The following CTNNAL1 variants were observed in gnomAD, a reference collection of about 807,000 sequenced individuals.
CTNNAL1 encodes the protein catenin alpha like 1.
In CTNNAL1, 69 loss-of-function variants were observed where a neutral mutation model predicts 93.6. The ratio of observed to expected loss-of-function variants is 0.74; its 90% CI spans 0.61 to 0.90. The LOEUF is 0.90. Ranked by LOEUF, CTNNAL1 falls within the 40% of genes least tolerant of loss-of-function variation. CTNNAL1 has a pLI of 0.00. For synonymous variants in CTNNAL1, 286 were observed against 305.4 expected (o/e 0.94, Z 0.66); for missense variants, 836 against 862.0 (o/e 0.97, Z 0.38).
intron 7 of CTNNAL1, chr9:108,977,358 T>A (rs965478383): frequency 6.1e-6 from 1 of 162,998 alleles, no homozygotes; most frequent in African/African-American, 2.4e-5. Context: ...AGTCTAAAAT[T>A]AATCTCTTTT....
chr9:108,972,726 A>C lies in CTNNAL1; in HGVS notation c.1296T>G (p.Ala432=), dbSNP rs1587962616. 6.2e-7 allele frequency: 1 copy of C among 1,614,010 alleles called. No individual in the cohort carries two copies. The highest frequency in any genetic ancestry group is 8.5e-7 in the Non-Finnish European group (1 of 1,180,014). ...KLTGVEGNLE[A]LAEYACKLSE... is the part of the protein sequence containing the mutation. ...AGAGTTTACAGGCATATTCAGCCAAAGCTTCTAAATTTCCTTCTACTCCAG... is the reference window on the plus strand; with the variant it reads ...AGAGTTTACAGGCATATTCAGCCAACGCTTCTAAATTTCCTTCTACTCCAG... The change falls in exon 9 of 19, where the codon GCT becomes GCG. Residue 432 remains alanine (A), a synonymous_variant. Coordinates refer to ENST00000325551, the MANE Select transcript of CTNNAL1 (RefSeq NM_003798.4).
At chr9:108,984,294 G>T in intron 5 of CTNNAL1, 53 bp downstream of exon 5, 2 of 874,660 alleles carry the variant, frequency 2.3e-6, no homozygotes, top group Non-Finnish European at 3.8e-6. Context: ...AATGCATTTA[G>T]TCGGGTGTTC....
At chr9:108,957,116 AT>A (rs760444621) in intron 11 of CTNNAL1, among the ~76,000 whole-genome samples, 18,262 of 132,402 alleles carry the variant, frequency 0.14, 970 homozygotes, top group South Asian at 0.28. Flanking sequence ...GCCTGTTAGA[AT>A]TTTTTTTTTT....
intron 15 of CTNNAL1, 34 bp downstream of exon 15, chr9:108,948,152 T>G: frequency 6.2e-7 from 1 of 1,605,586 alleles, no homozygotes; most frequent in Non-Finnish European, 8.5e-7. Context: ...AGCCCGAAAT[T>G]AAAGTACTAG....
intron 6 of CTNNAL1, among the ~76,000 whole-genome samples, chr9:108,981,132 T>C (rs1831415501): frequency 6.6e-6 from 1 of 152,256 alleles, no homozygotes; most frequent in Non-Finnish European, 1.5e-5. Context: ...GCACTGCCCC[T>C]CCTTCACCTG....
chr9:108,968,887 T>C (rs72758384), intron 10 of CTNNAL1, among the ~76,000 whole-genome samples: 19,282 of 151,760 alleles, frequency 0.13, 1,621 homozygotes, highest in Middle Eastern at 0.19. Context: ...TAAATGAATA[T>C]AAATAAAGTA....
At position 108,984,413 on chromosome 9, in the gene CTNNAL1, CT is replaced by C; in HGVS notation, c.662del (p.Lys221ArgfsTer16). 1 of 1,608,858 alleles carries C rather than the reference CT, an allele frequency of 6.2e-7. No homozygotes were observed. Among genetic ancestry groups the C allele is most frequent in the Non-Finnish European group, 8.5e-7 (1 of 1,175,434 alleles). On this transcript the variant is annotated frameshift_variant, in exon 5 of 19. Coordinates refer to ENST00000325551, the MANE Select transcript of CTNNAL1 (RefSeq NM_003798.4). LOFTEE classifies it high-confidence loss of function. ...CTGCCCTAGCTGCTGCCATTTTTGCCTTTTTCTTTTCATCTTTCAAATCCTA... is the reference window on the plus strand; with the variant it reads ...CTGCCCTAGCTGCTGCCATTTTTGCCTTTTCTTTTCATCTTTCAAATCCTA... ...RQNDLKDEKK[K>X]AKMAAARAVL... is the part of the protein sequence containing the mutation.
chr9:108,956,928 G>A (rs1488315743), intron 11 of CTNNAL1, among the ~76,000 whole-genome samples: 1 of 151,428 alleles, frequency 6.6e-6, no homozygotes, highest in Non-Finnish European at 1.5e-5. Flanking sequence ...ACTTACAAGT[G>A]TTTAATACAT....
rs768798455 is a variant in CTNNAL1 at position 108,952,310 on chromosome 9, G to C, written c.1734C>G (p.Asp578Glu). 2.5e-6 allele frequency: 4 copies of C among 1,614,156 alleles called. No individual in the cohort carries two copies. Among genetic ancestry groups the C allele is most frequent in the East Asian group, 4.5e-5 (2 of 44,870 alleles). ...CCCACTTCTCAATTTCGCAGTCAGC[G>C]TCAGAGGTGAGCAAACCCAGCTTAA... Reference protein sequence around the residue: ...LGLKLGLLTSDADCEIEKWED... With the variant: ...LGLKLGLLTSEADCEIEKWED... Residue 578 changes from aspartate to glutamate, a missense_variant, in exon 14 of 19, where the codon GAC (aspartate) becomes GAG (glutamate). Physicochemically the swap from Asp to Glu is conservative, Grantham distance 45. Coordinates refer to ENST00000325551, the MANE Select transcript of CTNNAL1 (RefSeq NM_003798.4).
intron 14 of CTNNAL1, 95 bp downstream of exon 14, chr9:108,952,114 C>T (rs552210141): frequency 5.1e-5 from 54 of 1,063,882 alleles, no homozygotes; most frequent in Admixed American, 6.0e-5. Context: ...TATTTGATAC[C>T]GACTTTAACC....
rs912827660 is a variant in CTNNAL1, at chr9:108,975,987, T to A, written c.1188+975A>T. ...GGAAACCCTCTCAACCAAAGGAATA[T>A]CTTTTAAAATTTATTTCAGTGAGAT... On this transcript the variant is annotated intron_variant, in intron 8 of 18. Coordinates refer to ENST00000325551, the MANE Select transcript of CTNNAL1 (RefSeq NM_003798.4). Among the ~76,000 whole-genome samples, 4 of 152,328 alleles carry A rather than the reference T, an allele frequency of 2.6e-5. No homozygotes were observed. The East Asian group carries it at 7.7e-4, about 29-fold the overall frequency.
intron 15 of CTNNAL1, among the ~76,000 whole-genome samples, chr9:108,945,137 C>G (rs2583074): frequency 0.93 from 141,752 of 152,228 alleles, 66,094 homozygotes; most frequent in East Asian, 1. Flanking sequence ...CCAGGTCTCT[C>G]TCTCCACTCC....
Position 108,987,464 on chromosome 9 carries a change from A to C in CTNNAL1, c.640-3028T>G, listed in dbSNP as rs868052031. 5.3e-5 allele frequency among the ~76,000 whole-genome samples: 8 copies of C among 152,276 alleles called. No homozygotes were observed. In the Middle Eastern group the frequency reaches 0.01, roughly 194 times the overall value. On this transcript the variant is annotated intron_variant, in intron 4 of 18. Coordinates refer to ENST00000325551, the MANE Select transcript of CTNNAL1 (RefSeq NM_003798.4). ...GTATAGTTTGAAGTCAGGTATTGTG[A>C]TGCCTCCAGCTTTGTTCTTTTGGCT...
At chr9:108,981,069 G>A (rs1831412533) in intron 6 of CTNNAL1, among the ~76,000 whole-genome samples, 1 of 152,242 alleles carries the variant, frequency 6.6e-6, no homozygotes, top group South Asian at 2.1e-4. Context: ...CCTCCAGCAT[G>A]CCTGATGGCG....
chr9:108,967,923 T>C (rs751120224), intron 10 of CTNNAL1, among the ~76,000 whole-genome samples: 116 of 152,316 alleles, frequency 7.6e-4, no homozygotes, highest in Non-Finnish European at 1.4e-3. Context: ...TTGGTACCTT[T>C]GAATGAATTA....
chr9:108,963,109 T>A (rs1257950022), intron 11 of CTNNAL1, among the ~76,000 whole-genome samples: 3 of 152,182 alleles, frequency 2.0e-5, no homozygotes, highest in South Asian at 2.1e-4. Flanking sequence ...TTGCCAAGCT[T>A]ATCAACCTCT....
At chr9:109,012,914 C>A (rs1031125818) in intron 1 of CTNNAL1, among the ~76,000 whole-genome samples, 1 of 152,158 alleles carries the variant, frequency 6.6e-6, no homozygotes, top group Non-Finnish European at 1.5e-5. Context: ...TAAGTACCAG[C>A]GAGGGGCCCC....
intron 8 of CTNNAL1, 29 bp from the exon 9 acceptor site, chr9:108,972,862 G>GT: frequency 6.2e-6 from 2 of 320,478 alleles, no homozygotes; most frequent in Non-Finnish European, 1.1e-5. Context: ...GTGGGGGGGT[G>GT]GGAGGGTGGA....
chr9:108,945,364 T>C (rs533005556), intron 15 of CTNNAL1, among the ~76,000 whole-genome samples: 14 of 152,306 alleles, frequency 9.2e-5, no homozygotes, highest in South Asian at 4.1e-4. Flanking sequence ...GCTAAGTAAA[T>C]CGCAGTTATA....
Sources: gnomAD v4.1 joint callset for allele counts (sites outside exome capture counted in the v4.1 genomes callset) on GRCh38, gnomAD v4.1.1 for gene constraint, MANE v1.5 for transcripts, NCBI Gene and HGNC (gene_info 2026-07-23, HGNC 2026-07-21) for gene names.